The following C19orf47 variants were observed in gnomAD, a reference collection of about 807,000 sequenced individuals.
C19orf47 encodes the protein uncharacterized protein C19orf47.
In C19orf47, 18 loss-of-function variants were observed where a neutral mutation model predicts 32.3. The ratio of observed to expected loss-of-function variants is 0.56; its 90% confidence interval spans 0.39 to 0.83. The LOEUF (loss-of-function observed/expected upper bound fraction) is 0.83. Among genes scored for constraint, C19orf47 ranks in the 40% least tolerant of loss-of-function variants. The pLI is 0.00. For missense variants in C19orf47, 484 were observed against 531.6 expected (o/e 0.91, Z 0.88); for synonymous variants, 202 against 211.1 (o/e 0.96, Z 0.37).
intron 2 of C19orf47, among the ~76,000 whole-genome samples, chr19:40,341,608 C>T (rs1189805119): frequency 6.6e-6 from 1 of 152,164 alleles, no homozygotes; most frequent in African/African-American, 2.4e-5. Context: ...ACCTGCTGGA[C>T]TTCATAACCC....
At chr19:40,327,805 C>A (rs2077864861) in intron 6 of C19orf47, among the ~76,000 whole-genome samples, 3 of 152,112 alleles carry the variant, frequency 2.0e-5, no homozygotes, top group Admixed American at 2.0e-4. Flanking sequence ...GCCAAGGGGT[C>A]ACCAGGAGCA....
intron 1 of C19orf47, among the ~76,000 whole-genome samples, chr19:40,346,669 G>A (rs2078296593): frequency 1.3e-5 from 2 of 150,962 alleles, no homozygotes; most frequent in African/African-American, 2.4e-5. Flanking sequence ...TGGGATTACA[G>A]GCCCCCACCA....
chr19:40,306,403 T>C, the C19orf47 span, among the ~76,000 whole-genome samples: 19 of 151,982 alleles, frequency 1.3e-4, no homozygotes, highest in Admixed American at 2.6e-4. Flanking sequence ...GTACTCTTGT[T>C]ACTTTTTTTT....
the C19orf47 span, among the ~76,000 whole-genome samples, chr19:40,311,722 C>A: frequency 2.0e-5 from 3 of 152,014 alleles, no homozygotes; most frequent in African/African-American, 7.2e-5. Context: ...GTGGCACAAT[C>A]TCGGCTCACT....
chr19:40,316,548 G>A (rs564713099), downstream of C19orf47, among the ~76,000 whole-genome samples: 2 of 152,292 alleles, frequency 1.3e-5, no homozygotes, highest in East Asian at 3.9e-4. Context: ...CTGGCACACA[G>A]GTGGTAGTCA....
At chr19:40,308,150 C>CT in the C19orf47 span, among the ~76,000 whole-genome samples, 1 of 151,456 alleles carries the variant, frequency 6.6e-6, no homozygotes, top group South Asian at 2.1e-4. Context: ...GGAAAGGCAA[C>CT]TTTATTTATT....
chr19:40,333,274 A>AAAATAAATAAATAAATAAATAAAT (rs61342452), intron 5 of C19orf47, among the ~76,000 whole-genome samples: 3 of 142,848 alleles, frequency 2.1e-5, no homozygotes, highest in Admixed American at 7.1e-5. Context: ...AATAAATAAG[A>AAAATAAATAAATAAATAAATAAAT]AAATAAATAA....
intron 4 of C19orf47, among the ~76,000 whole-genome samples, chr19:40,335,359 T>C (rs2078041132): frequency 6.6e-6 from 1 of 152,138 alleles, no homozygotes; most frequent in African/African-American, 2.4e-5. Flanking sequence ...ATAATACTTA[T>C]CACAAGGAAA....
At chr19:40,304,959 T>G in the C19orf47 span, among the ~76,000 whole-genome samples, 1 of 152,268 alleles carries the variant, frequency 6.6e-6, no homozygotes, top group South Asian at 2.1e-4. Context: ...CCAGGCACGG[T>G]GGCTCATGCC....
chr19:40,298,392 A>G, the C19orf47 span, among the ~76,000 whole-genome samples: 1 of 152,084 alleles, frequency 6.6e-6, no homozygotes, highest in Admixed American at 6.6e-5. Context: ...ACACCCTTGG[A>G]TGGCAGATAT....
chr19:40,307,576 T>C, the C19orf47 span, among the ~76,000 whole-genome samples: 1 of 152,118 alleles, frequency 6.6e-6, no homozygotes, highest in African/African-American at 2.4e-5. Flanking sequence ...GACAGGGTTT[T>C]GCCTTGTTGC....
intron 6 of C19orf47, 63 bp from the exon 7 acceptor site, chr19:40,326,549 C>G (rs1398838825): frequency 3.8e-6 from 6 of 1,565,030 alleles, no homozygotes; most frequent in African/African-American, 2.7e-5. Context: ...AGGATGGAAG[C>G]TGGACACTAG....
Position 40,333,969 on chromosome 19 carries a change from A to C in C19orf47, c.223-40T>G, listed in dbSNP as rs1419752532. 1.7e-5 allele frequency: 25 copies of C among 1,474,858 alleles called. No individual in the cohort carries two copies. In the Admixed American group the frequency reaches 5.2e-4, roughly 31 times the overall value. 91.4% of individuals were successfully genotyped at this position (1,474,858 alleles called of 1,614,324 possible). A position where few individuals can be genotyped will look rare whatever the true frequency, so the allele number is the denominator to read the frequency against. On this transcript the variant is annotated intron_variant, in intron 4 of 8. Transcript: ENST00000683109. ...CAGGCACCTGGGTCACCACAGAAGAATCATGCATCAACCTAGAGATCTAAG... is the reference window on the plus strand; with the variant it reads ...CAGGCACCTGGGTCACCACAGAAGACTCATGCATCAACCTAGAGATCTAAG...
intron 2 of C19orf47, 75 bp from the exon 3 acceptor site, chr19:40,336,482 C>A: frequency 1.5e-6 from 2 of 1,309,120 alleles, no homozygotes; most frequent in Non-Finnish European, 2.1e-6. Flanking sequence ...ACAATCACAG[C>A]AGCTCCCACA....
At chr19:40,338,657 A>G (rs1353159748) in intron 2 of C19orf47, among the ~76,000 whole-genome samples, 1 of 152,132 alleles carries the variant, frequency 6.6e-6, no homozygotes, top group Non-Finnish European at 1.5e-5. Flanking sequence ...TGATGAGATT[A>G]CAGGCGTGAG....
At chr19:40,338,560 T>C (rs1356769009) in intron 2 of C19orf47, among the ~76,000 whole-genome samples, 1 of 152,058 alleles carries the variant, frequency 6.6e-6, no homozygotes, top group Admixed American at 6.6e-5. Flanking sequence ...AATTTTTGTA[T>C]TTTTAGTAGA....
At chr19:40,335,014 G>C (rs1372711776) in intron 4 of C19orf47, 1 of 118,992 alleles carries the variant, frequency 8.4e-6, no homozygotes, top group Non-Finnish European at 1.7e-5. Flanking sequence ...GGGAGGGAGG[G>C]AAGGAGGAAG....
chr19:40,348,225 G>A, intron 1 of C19orf47, 99 bp downstream of exon 1: 1 of 790,416 alleles, frequency 1.3e-6, no homozygotes, highest in Non-Finnish European at 1.8e-6. Context: ...TCGTAAGTCC[G>A]AAGCCGTACA....
At chr19:40,323,138 C>A (rs1286126779) in intron 8 of C19orf47, among the ~76,000 whole-genome samples, 1 of 152,218 alleles carries the variant, frequency 6.6e-6, no homozygotes, top group Non-Finnish European at 1.5e-5. Context: ...CCACATGATC[C>A]CGAGTGTTCC....
Sources: gnomAD v4.1 joint callset for allele counts (sites outside exome capture counted in the v4.1 genomes callset) on GRCh38, gnomAD v4.1.1 for gene constraint, MANE v1.5 for transcripts, NCBI Gene and HGNC (gene_info 2026-07-23, HGNC 2026-07-21) for gene names.